Variants in NELL1 observed in about 807,000 individuals in gnomAD.
NELL1 encodes protein kinase C-binding protein NELL1.
Under a neutral mutation model 107.4 loss-of-function variants are expected in NELL1, and 76 were observed. That is an observed-to-expected ratio of 0.71 (90% CI 0.59 to 0.86). The LOEUF (loss-of-function observed/expected upper bound fraction) is 0.86, where lower values mean the gene tolerates loss of function less well. Ranked by LOEUF, NELL1 falls within the 40% of genes least tolerant of loss-of-function variation. The pLI, the probability that NELL1 is intolerant of heterozygous loss-of-function variation, is 0.00. For synonymous variants in NELL1, 353 were observed against 341.2 expected, an observed-to-expected ratio of 1.03 and a Z score of -0.38; for missense variants, 1,024 against 1,005.5, an observed-to-expected ratio of 1.02 and a Z score of -0.25.
At chr11:21,120,595 C>T (rs749781375) in intron 13 of NELL1, among the ~76,000 whole-genome samples, 17 of 152,092 alleles carry the variant, frequency 1.1e-4, no homozygotes, top group Non-Finnish European at 2.1e-4. Context: ...AATTGCTTGG[C>T]TTTCAGTCTC....
chr11:20,720,101 C>G (rs1169782106), intron 2 of NELL1, among the ~76,000 whole-genome samples: 5 of 152,096 alleles, frequency 3.3e-5, no homozygotes. Context: ...TCTTTTATTG[C>G]TGGAGATGAG....
At chr11:21,083,275 G>T (rs191398768) in intron 12 of NELL1, among the ~76,000 whole-genome samples, 8 of 152,212 alleles carry the variant, frequency 5.3e-5, no homozygotes, top group African/African-American at 1.9e-4. Context: ...TGCTGGGTGT[G>T]TGTTACTCAT....
chr11:21,208,704 C>G (rs556814856), intron 13 of NELL1, among the ~76,000 whole-genome samples: 1 of 152,044 alleles, frequency 6.6e-6, no homozygotes, highest in Admixed American at 6.6e-5. Context: ...TTCCAAGAGA[C>G]TGAATCATCT....
At chr11:21,286,736 T>C (rs931714137) in intron 14 of NELL1, among the ~76,000 whole-genome samples, 13 of 152,228 alleles carry the variant, frequency 8.5e-5, no homozygotes, top group Admixed American at 6.5e-5. Context: ...TAGTACACCA[T>C]AGTAAAATTT....
chr11:20,964,979 G>C (rs1227277688), intron 12 of NELL1, among the ~76,000 whole-genome samples: 1 of 152,030 alleles, frequency 6.6e-6, no homozygotes, highest in African/African-American at 2.4e-5. Context: ...AGGATTTGGG[G>C]GTGGGGAGTT....
At chr11:21,161,481 G>C (rs573522112) in intron 13 of NELL1, among the ~76,000 whole-genome samples, 1 of 152,272 alleles carries the variant, frequency 6.6e-6, no homozygotes, top group African/African-American at 2.4e-5. Context: ...AGGTTTCAGT[G>C]AGCCGAGATC....
intron 15 of NELL1, among the ~76,000 whole-genome samples, chr11:21,382,092 C>T (rs1219305616): frequency 6.6e-6 from 1 of 151,686 alleles, no homozygotes; most frequent in Non-Finnish European, 1.5e-5. Flanking sequence ...TTTCTTAGTT[C>T]TTCGTTGATT....
intron 14 of NELL1, chr11:21,284,290 A>G (rs1215762321): frequency 2.2e-6 from 1 of 457,316 alleles, no homozygotes. Context: ...TTGTTTGGGA[A>G]AACACAGAGG....
Position 20,957,745 on chromosome 11 carries a change from A to G in NELL1, c.1172-2687A>G, listed in dbSNP as rs188045342. On this transcript the variant is annotated intron_variant, in intron 11 of 19. Transcript: ENST00000357134. ...CAAATAGGATTCTAAAAATAAAAAT[A>G]CAGTAAGTGAAATTAAAAATGATGT... 2.0e-3 allele frequency among the ~76,000 whole-genome samples: 300 copies of G among 152,282 alleles called. 1 individual carries two copies. The highest frequency in any genetic ancestry group is 3.4e-3 in the Middle Eastern group (1 of 294).
intron 15 of NELL1, among the ~76,000 whole-genome samples, chr11:21,382,619 A>C (rs550338409): frequency 6.6e-6 from 1 of 152,026 alleles, no homozygotes; most frequent in Non-Finnish European, 1.5e-5. Flanking sequence ...ATAGAATAGA[A>C]ATTTTGGTCT....
At chr11:20,755,558 T>TATTTTTTTTTTTTTTTTTTTTTTTTTA (rs1564895070) in intron 2 of NELL1, among the ~76,000 whole-genome samples, 1 of 16,432 alleles carries the variant, frequency 6.1e-5, no homozygotes, top group African/African-American at 1.1e-4. Flanking sequence ...TTGTTTTTGT[T>TATTTTTTTTTTTTTTTTTTTTTTTTTA]TTTGTTTTTT....
chr11:21,525,713 G>A (rs768167277), intron 15 of NELL1, among the ~76,000 whole-genome samples: 1 of 152,216 alleles, frequency 6.6e-6, no homozygotes, highest in Admixed American at 6.5e-5. Context: ...GAAGGTGAAT[G>A]AGAAGAAAAG....
chr11:21,318,126 C>T (rs779940937), intron 14 of NELL1, among the ~76,000 whole-genome samples: 21 of 152,100 alleles, frequency 1.4e-4, no homozygotes, highest in Non-Finnish European at 2.8e-4. Flanking sequence ...CCCTCTACAG[C>T]CTATAAGGAT....
chr11:20,776,219 C>T (rs1460228843), intron 2 of NELL1, among the ~76,000 whole-genome samples: 1 of 152,150 alleles, frequency 6.6e-6, no homozygotes, highest in Non-Finnish European at 1.5e-5. Flanking sequence ...GGGTGGATCA[C>T]CTGAGCCCAG....
chr11:20,783,170 A>G lies in NELL1; in HGVS notation c.185-510A>G, dbSNP rs572939764. The stretch of plus-strand genomic sequence containing the variant: ...AAGCAAGGACAGGTTTCCTATATCC[A>G]TTGTGGGGAGAAGGAAGCTGTGTCC... On this transcript the variant is annotated intron_variant, in intron 2 of 19. Coordinates refer to ENST00000357134, the MANE Select transcript of NELL1 (RefSeq NM_006157.5). 2.6e-5 allele frequency among the ~76,000 whole-genome samples: 4 copies of G among 152,328 alleles called. No individual in the cohort carries two copies. In the East Asian group the frequency reaches 7.7e-4, roughly 29 times the overall value.
At chr11:21,435,382 T>TTTTG in intron 15 of NELL1, among the ~76,000 whole-genome samples, 1 of 150,114 alleles carries the variant, frequency 6.7e-6, no homozygotes, top group East Asian at 1.9e-4. Context: ...TTGTTGAGTT[T>TTTTG]TTTGTTTGTT....
rs528571322 is a variant in NELL1, at chr11:21,215,654, A to G, written c.1427-13678A>G. Among the ~76,000 whole-genome samples, 6 of 152,276 alleles carry G rather than the reference A, an allele frequency of 3.9e-5. 1 individual carries two copies. The South Asian group carries it at 1.2e-3, about 32-fold the overall frequency. On this transcript the variant is annotated intron_variant, in intron 13 of 19. Coordinates refer to ENST00000357134, the MANE Select transcript of NELL1 (RefSeq NM_006157.5). ...AAATTAGGAACTGGTTGGCAGCTGG[A>G]GTAAAGGTGATTCTTGTAATGCTTC...
chr11:21,033,307 C>T (rs1461975950), intron 12 of NELL1, among the ~76,000 whole-genome samples: 1 of 152,010 alleles, frequency 6.6e-6, no homozygotes, highest in Non-Finnish European at 1.5e-5. Flanking sequence ...AATTTAACTT[C>T]TATTTTAAGT....
intron 15 of NELL1, among the ~76,000 whole-genome samples, chr11:21,457,164 C>A (rs2133866870): frequency 6.6e-6 from 1 of 152,208 alleles, no homozygotes; most frequent in African/African-American, 2.4e-5. Context: ...CCTGAGCAAG[C>A]AGGAAATCTT....
Sources: allele counts gnomAD v4.1 joint callset (sites outside exome capture counted in the v4.1 genomes callset), GRCh38; gene constraint gnomAD v4.1.1; transcripts MANE v1.5; gene names NCBI Gene and HGNC (gene_info 2026-07-23, HGNC 2026-07-21).